The following ADARB1 variants were observed in gnomAD, a reference collection of about 807,000 sequenced individuals.
The protein encoded by ADARB1 is double-stranded RNA-specific editase 1.
Under a neutral mutation model 52.4 loss-of-function variants are expected in ADARB1, and 10 were observed. The observed-to-expected ratio is 0.19, with a 90% CI of 0.12 to 0.32. The LOEUF (loss-of-function observed/expected upper bound fraction) is 0.32. Ranked by LOEUF, ADARB1 falls within the 10% of genes least tolerant of loss-of-function variation. The pLI is 1.00. For synonymous variants in ADARB1, 349 were observed against 371.1 expected (o/e 0.94, Z 0.68); for missense variants, 643 against 922.3 (o/e 0.70, Z 3.92).
At chr21:45,202,402 C>T (rs181612945) in intron 8 of ADARB1, among the ~76,000 whole-genome samples, 28 of 152,206 alleles carry the variant, frequency 1.8e-4, no homozygotes, top group Non-Finnish European at 2.4e-4. Context: ...GTGAGGTTGG[C>T]GGCTGTTTGT....
chr21:45,174,409 A>T (rs1266847982), intron 3 of ADARB1, among the ~76,000 whole-genome samples: 1 of 152,190 alleles, frequency 6.6e-6, no homozygotes, highest in African/African-American at 2.4e-5. Context: ...TCTTTTTAAA[A>T]TAAAAAATTA....
At chr21:45,091,925 C>A (rs969851407) in intron 1 of ADARB1, among the ~76,000 whole-genome samples, 2 of 152,162 alleles carry the variant, frequency 1.3e-5, no homozygotes, top group African/African-American at 2.4e-5. Context: ...TAATCCTTTG[C>A]AAAATTAATT....
chr21:45,169,333 G>A (rs1400358881), intron 2 of ADARB1, among the ~76,000 whole-genome samples: 1 of 152,212 alleles, frequency 6.6e-6, no homozygotes, highest in East Asian at 1.9e-4. Context: ...TTGGTGTTTG[G>A]CTGGAATAAA....
At position 45,074,655 on chromosome 21, in the gene ADARB1, G is replaced by A. The variant is rs986643941; in HGVS notation, c.-358G>A. ...GCCAAGCGGCCAGGTTGGCGGCCGGGGCTCCGGGCCGCGCGAGGCCACGGC... is the reference window on the plus strand; with the variant it reads ...GCCAAGCGGCCAGGTTGGCGGCCGGAGCTCCGGGCCGCGCGAGGCCACGGC... On this transcript the variant is annotated 5_prime_UTR_variant, in exon 1 of 11. Coordinates refer to ENST00000348831, the MANE Select transcript of ADARB1 (RefSeq NM_001112.4). The A allele has an allele frequency of 2.9e-5, 4 of 138,594 alleles. No individual in the cohort carries two copies. The highest frequency in any genetic ancestry group is 1.0e-4 in the African/African-American group (4 of 40,114). 8.6% of individuals were successfully genotyped at this position (138,594 alleles called of 1,614,324 possible). A position where few individuals can be genotyped will look rare whatever the true frequency, so the allele number is the denominator to read the frequency against.
chr21:45,124,787 ATGTGTGTGTGTG>A (rs56113860), intron 1 of ADARB1, among the ~76,000 whole-genome samples: 1 of 135,704 alleles, frequency 7.4e-6, no homozygotes, highest in African/African-American at 2.7e-5. Context: ...GTGTGTGTGT[ATGTGTGTGTGTG>A]TGTGTGTGTG....
chr21:45,117,891 C>G (rs2087921117), intron 1 of ADARB1, among the ~76,000 whole-genome samples: 1 of 152,124 alleles, frequency 6.6e-6, no homozygotes, highest in Non-Finnish European at 1.5e-5. Flanking sequence ...CTCTTAAGTT[C>G]TTCTTGTAGT....
At chr21:45,159,798 A>G (rs1033232114) in intron 2 of ADARB1, among the ~76,000 whole-genome samples, 2 of 152,190 alleles carry the variant, frequency 1.3e-5, no homozygotes, top group Non-Finnish European at 2.9e-5. Flanking sequence ...GCTGCTCCCC[A>G]TGGGAGGCCT....
intron 1 of ADARB1, among the ~76,000 whole-genome samples, chr21:45,092,214 G>T (rs1212967654): frequency 6.6e-6 from 1 of 152,156 alleles, no homozygotes; most frequent in Non-Finnish European, 1.5e-5. Flanking sequence ...CCGGAGCTGA[G>T]GTCCAGTGCT....
chr21:45,194,804 ACAGTTTATT>A (rs2092388842), intron 8 of ADARB1, among the ~76,000 whole-genome samples: 1 of 152,212 alleles, frequency 6.6e-6, no homozygotes, highest in Admixed American at 6.5e-5. Context: ...TGGATGTGCC[ACAGTTTATT>A]CATTCACTTC....
intron 9 of ADARB1, among the ~76,000 whole-genome samples, chr21:45,206,560 CTTTTTTTTTTTTTTTTTT>C (rs71199660): frequency 5.5e-5 from 3 of 54,918 alleles, no homozygotes; most frequent in Admixed American, 2.8e-4. Context: ...CTTCTCTGGT[CTTTTTTTTTTTTTTTTTT>C]TTTTTTTTTT....
chr21:45,165,381 C>A (rs1206924543), intron 2 of ADARB1, among the ~76,000 whole-genome samples: 5 of 152,122 alleles, frequency 3.3e-5, no homozygotes, highest in South Asian at 4.1e-4. Flanking sequence ...CATTATTATT[C>A]TTATTTTAAT....
intron 8 of ADARB1, among the ~76,000 whole-genome samples, chr21:45,191,866 ATATATATATATATATTTTTTTTTT>A (rs1177801383): frequency 7.4e-3 from 101 of 13,660 alleles, no homozygotes; most frequent in African/African-American, 0.019. Context: ...ATATATATAT[ATATATATATATATATTTTTTTTTT>A]TTTTTTTTTT....
At position 45,152,550 on chromosome 21, in the gene ADARB1, CG is replaced by C. The variant is rs1272472721; in HGVS notation, c.-47-19059del. ...GAAGTGAGTCGGTGTGCTGCTGCCC[CG>C]AGTGACTGAGGGACAGAATGAGGCT... On this transcript the variant is annotated intron_variant, in intron 2 of 10. Coordinates refer to ENST00000348831, the MANE Select transcript of ADARB1 (RefSeq NM_001112.4). The C allele has an allele frequency of 4.2e-5, 13 of 312,374 alleles. No individual in the cohort carries two copies. In the Admixed American group the frequency reaches 5.0e-4, roughly 12 times the overall value. 19.4% of individuals were successfully genotyped at this position (312,374 alleles called of 1,614,324 possible). A position where few individuals can be genotyped will look rare whatever the true frequency, so the allele number is the denominator to read the frequency against.
At chr21:45,166,415 G>A (rs767459540) in intron 2 of ADARB1, among the ~76,000 whole-genome samples, 14 of 152,180 alleles carry the variant, frequency 9.2e-5, no homozygotes, top group Non-Finnish European at 2.1e-4. Context: ...TCGGCACCCA[G>A]TGTCTGGTCC....
At chr21:45,184,746 C>G (rs958554016) in intron 7 of ADARB1, among the ~76,000 whole-genome samples, 177 bp from the exon 8 acceptor site, 1 of 152,188 alleles carries the variant, frequency 6.6e-6, no homozygotes. Flanking sequence ...CCACCATACC[C>G]AGCCTCTCAG....
In ADARB1 at chr21:45,128,787, C is replaced by G. The variant is rs2088753244; in HGVS notation, c.-48+214C>G. ...CCCTCCTGCTTGTTCTGGGGTGGTGCCTGCTGCCCTCCAGTGGCATGTGTG... is the reference window on the plus strand; with the variant it reads ...CCCTCCTGCTTGTTCTGGGGTGGTGGCTGCTGCCCTCCAGTGGCATGTGTG... On this transcript the variant is annotated intron_variant, in intron 2 of 10. Transcript: ENST00000348831. The surrounding 1 kb of genome is among the most constrained non-coding windows in gnomAD (Gnocchi z 4.6). 6.6e-6 allele frequency among the ~76,000 whole-genome samples: 1 copy of G among 152,032 alleles called. No homozygotes were observed. The highest frequency in any genetic ancestry group is 1.5e-5 in the Non-Finnish European group (1 of 68,010).
intron 2 of ADARB1, among the ~76,000 whole-genome samples, chr21:45,167,388 AATT>A (rs1354313083): frequency 3.9e-5 from 6 of 152,216 alleles, no homozygotes; most frequent in Non-Finnish European, 5.9e-5. Context: ...CAGGCAAACC[AATT>A]ATTGATTAAT....
At chr21:45,216,070 G>A (rs1229800108) in intron 9 of ADARB1, among the ~76,000 whole-genome samples, 1 of 151,996 alleles carries the variant, frequency 6.6e-6, no homozygotes, top group East Asian at 1.9e-4. Context: ...GTCTTTCAGG[G>A]AATTTGTCCA....
At chr21:45,127,455 C>T (rs1340315417) in intron 1 of ADARB1, among the ~76,000 whole-genome samples, 4 of 152,192 alleles carry the variant, frequency 2.6e-5, no homozygotes, top group African/African-American at 9.7e-5. Flanking sequence ...CACAGGTGAG[C>T]TTGTCTCTGT....
Sources: allele counts gnomAD v4.1 joint callset (sites outside exome capture counted in the v4.1 genomes callset), GRCh38; gene constraint gnomAD v4.1.1; non-coding constraint Gnocchi (gnomAD v3.1); transcripts MANE v1.5; gene names NCBI Gene and HGNC (gene_info 2026-07-23, HGNC 2026-07-21).